IGSF5: variants seen among roughly 807,000 people sequenced by gnomAD.
IGSF5 encodes immunoglobulin superfamily 5 like.
In IGSF5, 41 loss-of-function variants were observed where a neutral mutation model predicts 39.4. That is an observed-to-expected ratio of 1.04 (90% confidence interval 0.81 to 1.35). The LOEUF (loss-of-function observed/expected upper bound fraction) is 1.35. Ranked by LOEUF, IGSF5 falls within the 40% of genes most tolerant of loss-of-function variation. The probability of loss-of-function intolerance (pLI) is 0.00; values close to 1 mark genes in which losing one functional copy is unlikely to be tolerated. For missense variants in IGSF5, 487 were observed against 494.6 expected (o/e 0.98, Z 0.15); for synonymous variants, 183 against 175.3 (o/e 1.04, Z -0.34).
the IGSF5 span, among the ~76,000 whole-genome samples, chr21:39,726,333 T>C: frequency 1.3e-5 from 2 of 152,270 alleles, no homozygotes; most frequent in African/African-American, 2.4e-5. Flanking sequence ...AGTGGAGGCC[T>C]GGGAGAAGAA....
At chr21:39,793,708 A>G in intron 8 of IGSF5, 95 bp downstream of exon 8, 1 of 971,220 alleles carries the variant, frequency 1.0e-6, no homozygotes, top group South Asian at 1.4e-5. Context: ...CGCGTTGTGT[A>G]TTCATGATGG....
chr21:39,764,583 G>T (rs548524662), intron 2 of IGSF5, among the ~76,000 whole-genome samples: 1 of 152,152 alleles, frequency 6.6e-6, no homozygotes, highest in African/African-American at 2.4e-5. Flanking sequence ...CAGGTGATCC[G>T]CCCTCTTCGG....
upstream of IGSF5, among the ~76,000 whole-genome samples, chr21:39,745,109 G>A (rs1401951506): frequency 6.6e-6 from 1 of 150,946 alleles, no homozygotes; most frequent in Admixed American, 6.6e-5. Context: ...GACTTCCTTG[G>A]AATCCGTGAG....
At chr21:39,773,855 C>T (rs372828380) in intron 4 of IGSF5, among the ~76,000 whole-genome samples, 85 of 152,328 alleles carry the variant, frequency 5.6e-4, no homozygotes, top group African/African-American at 9.1e-4. Context: ...TATATCTTAA[C>T]GAGGTAACGA....
At position 39,745,541 on chromosome 21, in the gene IGSF5, G is replaced by A. The variant is rs150241698; in HGVS notation, c.17+15G>A. ...CAGAAGGAAAGGTAAGGGCGCATGC[G>A]TGGGCGACTGTTGAGTAGAGACTTC... On this transcript the variant is annotated intron_variant, in intron 1 of 8. Transcript: ENST00000380588. 631 of 716,934 alleles carry A rather than the reference G, an allele frequency of 8.8e-4. 3 individuals carry two copies. Among genetic ancestry groups the A allele is most frequent in the African/African-American group, 8.2e-3 (473 of 57,372 alleles). The allele number at this position is 716,934 out of a possible 1,614,324, so 44.4% of individuals were successfully genotyped here. A position where few individuals can be genotyped will look rare whatever the true frequency, so the allele number is the denominator to read the frequency against.
At chr21:39,734,439 T>TACACACACACACAC in the IGSF5 span, among the ~76,000 whole-genome samples, 77 of 120,300 alleles carry the variant, frequency 6.4e-4, no homozygotes, top group African/African-American at 1.6e-3. Flanking sequence ...AAAAAAAAAA[T>TACACACACACACAC]ACACACACAC....
intron 4 of IGSF5, among the ~76,000 whole-genome samples, chr21:39,776,967 C>T (rs1016668776): frequency 6.6e-6 from 1 of 152,186 alleles, no homozygotes; most frequent in African/African-American, 2.4e-5. Flanking sequence ...CATCTTGAGC[C>T]TGTGCACTGT....
At chr21:39,720,450 C>T in the IGSF5 span, among the ~76,000 whole-genome samples, 2 of 152,226 alleles carry the variant, frequency 1.3e-5, no homozygotes, top group African/African-American at 2.4e-5. Context: ...TTCCCATATA[C>T]TCCATACCCA....
intron 8 of IGSF5, among the ~76,000 whole-genome samples, chr21:39,796,284 G>A (rs140944376): frequency 8.5e-5 from 13 of 152,274 alleles, no homozygotes; most frequent in African/African-American, 1.9e-4. Context: ...TCAGGGTGAC[G>A]CTGGTACAGA....
In IGSF5 at chr21:39,801,758, G is replaced by C. The variant is rs1329769269; in HGVS notation, c.*401G>C. On this transcript the variant is annotated 3_prime_UTR_variant, in exon 9 of 9. Transcript: ENST00000380588. ...ATATTTATGTATATTTAATATGTAG[G>C]GGTATTATTACATATTATCAGTGAA... 6.4e-6 allele frequency: 1 copy of C among 157,136 alleles called. No individual in the cohort carries two copies. Among genetic ancestry groups the C allele is most frequent in the Non-Finnish European group, 1.4e-5 (1 of 70,866 alleles). The allele number at this position is 157,136 out of a possible 1,614,324, so 9.7% of individuals were successfully genotyped here.
rs1176067101 is a variant in IGSF5 at position 39,792,033 on chromosome 21, A to C, written c.982A>C (p.Lys328Gln). Reference sequence around the variant, plus strand: ...GAAATCTGAAAAAGAGAAGACAAACAAAGAAACTGAGACAGAAAGTGGAAA... The same window carrying C: ...GAAATCTGAAAAAGAGAAGACAAACCAAGAAACTGAGACAGAAAGTGGAAA... ...QKKSEKEKTN[K>Q]ETETESGNEN... Residue 328 changes from lysine to glutamine, a missense_variant, in exon 7 of 9, where the codon AAA becomes CAA. Physicochemically the swap from Lys to Gln is moderately conservative, Grantham distance 53. Transcript: ENST00000380588. 1 of 1,610,048 alleles carries C rather than the reference A, an allele frequency of 6.2e-7. No homozygotes were observed. Among genetic ancestry groups the C allele is most frequent in the Admixed American group, 1.7e-5 (1 of 59,608 alleles).
At chr21:39,796,903 C>T (rs1403931812) in intron 8 of IGSF5, among the ~76,000 whole-genome samples, 1 of 152,222 alleles carries the variant, frequency 6.6e-6, no homozygotes. Context: ...AAAGCTCCTG[C>T]TTTGTCTTAA....
At chr21:39,744,884 G>A (rs188221130), upstream of IGSF5, among the ~76,000 whole-genome samples, 186 of 152,362 alleles carry the variant, frequency 1.2e-3, no homozygotes, top group African/African-American at 4.4e-3. Flanking sequence ...ACTGGGTTAA[G>A]GATTTTAGAC....
At position 39,801,799 on chromosome 21, in the gene IGSF5, T is replaced by C. The variant is rs1017170124; in HGVS notation, c.*442T>C. On this transcript the variant is annotated 3_prime_UTR_variant, in exon 9 of 9. Transcript: ENST00000380588. ...TATCAGTGAAATACGAGTATAAAAA[T>C]TAGGGTCAACCAGAAATCTGCAATT... The C allele has an allele frequency of 6.5e-6, 1 of 152,810 alleles. No individual in the cohort carries two copies. The highest frequency in any genetic ancestry group is 2.4e-5 in the African/African-American group (1 of 41,422). 9.5% of individuals were successfully genotyped at this position (152,810 alleles called of 1,614,324 possible). A position where few individuals can be genotyped will look rare whatever the true frequency, so the allele number is the denominator to read the frequency against.
At chr21:39,758,692 G>A (rs2080045428) in intron 2 of IGSF5, among the ~76,000 whole-genome samples, 1 of 152,160 alleles carries the variant, frequency 6.6e-6, no homozygotes, top group Admixed American at 6.5e-5. Flanking sequence ...TACTTTCTAT[G>A]GGAAAGGCAT....
chr21:39,773,552 G>A (rs1038880082), intron 4 of IGSF5, among the ~76,000 whole-genome samples: 7 of 143,190 alleles, frequency 4.9e-5, no homozygotes, highest in South Asian at 2.2e-4. Context: ...GTCATTTTTC[G>A]TTTTGACACC....
At chr21:39,757,549 A>G (rs759709259) in intron 2 of IGSF5, among the ~76,000 whole-genome samples, 1 of 148,886 alleles carries the variant, frequency 6.7e-6, no homozygotes, top group East Asian at 2.0e-4. Flanking sequence ...CTGTTTCAGG[A>G]GGTCTGAGGT....
At chr21:39,796,619 C>T (rs150275159) in intron 8 of IGSF5, among the ~76,000 whole-genome samples, 5 of 152,322 alleles carry the variant, frequency 3.3e-5, no homozygotes, top group African/African-American at 9.6e-5. Flanking sequence ...GCATGTTTTG[C>T]GCACACAGGC....
At chr21:39,759,295 G>T (rs965995454) in intron 2 of IGSF5, among the ~76,000 whole-genome samples, 25 of 152,178 alleles carry the variant, frequency 1.6e-4, no homozygotes, top group African/African-American at 5.8e-4. Context: ...AAATGTGTTT[G>T]GGGATGAAGA....
Sources: allele counts gnomAD v4.1 joint callset (sites outside exome capture counted in the v4.1 genomes callset), GRCh38; gene constraint gnomAD v4.1.1; transcripts MANE v1.5; gene names NCBI Gene and HGNC (gene_info 2026-07-23, HGNC 2026-07-21).